Variants in ZFR2 observed in about 807,000 individuals in gnomAD.
ZFR2 encodes the protein zinc finger RNA binding protein 2.
ZFR2 carries 104 observed loss-of-function variants against 105.7 expected under a neutral mutation model. The ratio of observed to expected loss-of-function variants is 0.98; its 90% CI spans 0.84 to 1.16. The LOEUF is 1.16. ZFR2 is among the 50% of genes most tolerant of loss of function. ZFR2 has a pLI of 0.00. For synonymous variants in ZFR2, 634 were observed against 597.7 expected (o/e 1.06, Z -0.89); for missense variants, 1,425 against 1,355.5 (o/e 1.05, Z -0.80).
chr19:3,831,899 C>A (rs748128466), intron 3 of ZFR2, 21 bp from the exon 4 acceptor site: 4 of 1,514,406 alleles, frequency 2.6e-6, no homozygotes, highest in South Asian at 2.5e-5. Context: ...GGGACAGGCC[C>A]TCTGCAGAGC....
At chr19:3,863,140 G>A (rs2038391115) in intron 1 of ZFR2, among the ~76,000 whole-genome samples, 1 of 152,234 alleles carries the variant, frequency 6.6e-6, no homozygotes, top group African/African-American at 2.4e-5. Flanking sequence ...CTGGAGGCCT[G>A]CCGGAGGGCG....
At position 3,808,772 on chromosome 19, in the gene ZFR2, TCC is replaced by T. The variant is rs1481937878; in HGVS notation, c.2545+98_2545+99del. Reference sequence around the variant, plus strand: ...CGCACTCCTGCCTGGGCTGGACACTTCCTCTGTGTCTGTGACCCCAGCTCTCT... The same window carrying T: ...CGCACTCCTGCCTGGGCTGGACACTTTCTGTGTCTGTGACCCCAGCTCTCT... On this transcript the variant is annotated intron_variant, in intron 17 of 18. Transcript: ENST00000262961. 4 of 1,011,720 alleles carry T rather than the reference TCC, an allele frequency of 4.0e-6. No homozygotes were observed. In the African/African-American group the frequency reaches 6.6e-5, roughly 17 times the overall value. 62.7% of individuals were successfully genotyped at this position (1,011,720 alleles called of 1,614,324 possible).
chr19:3,830,125 C>CATGTTG (rs199687033), intron 5 of ZFR2, among the ~76,000 whole-genome samples: 1,904 of 148,562 alleles, frequency 0.013, 67 homozygotes, highest in Admixed American at 0.074. Context: ...CATAGTGAGA[C>CATGTTG]CCTGTATCTA....
chr19:3,834,480 C>T lies in ZFR2; in HGVS notation c.264+293G>A. On this transcript the variant is annotated intron_variant, in intron 2 of 18. Coordinates refer to ENST00000262961, the MANE Select transcript of ZFR2 (RefSeq NM_015174.2). The surrounding 1 kb of genome is among the most constrained non-coding windows in gnomAD (Gnocchi z 5.3). ...TGTAACCCAGGCGACCCTCCTCCTC[C>T]TTCATAGTCACTGCTGAAGCTGGGA... 6.6e-6 allele frequency among the ~76,000 whole-genome samples: 1 copy of T among 152,138 alleles called. No individual in the cohort carries two copies. The highest frequency in any genetic ancestry group is 1.9e-4 in the East Asian group (1 of 5,180).
chr19:3,831,266 G>A (rs749128822), intron 5 of ZFR2, 37 bp downstream of exon 5: 1 of 1,468,578 alleles, frequency 6.8e-7, no homozygotes, highest in Middle Eastern at 1.8e-4. Flanking sequence ...GGACAGAGAG[G>A]TCCCTGGGGC....
chr19:3,821,279 G>C lies in ZFR2; in HGVS notation c.1631+61C>G, dbSNP rs981275284. 3 of 1,476,024 alleles carry C rather than the reference G, an allele frequency of 2.0e-6. No individual in the cohort carries two copies. The East Asian group carries it at 7.4e-5, about 36-fold the overall frequency. The allele number at this position is 1,476,024 out of a possible 1,614,324, so 91.4% of individuals were successfully genotyped here. A position where few individuals can be genotyped will look rare whatever the true frequency, so the allele number is the denominator to read the frequency against. ...GTAATCTGCAGCAGTGGGCGTCTAG[G>C]TTCCACGCTGGACCTGCCCTCCCTC... On this transcript the variant is annotated intron_variant, in intron 10 of 18. Transcript: ENST00000262961.
At chr19:3,816,923 G>A (rs914525853) in intron 12 of ZFR2, 78 bp from the exon 13 acceptor site, 23 of 1,344,680 alleles carry the variant, frequency 1.7e-5, no homozygotes, top group African/African-American at 2.9e-5. Context: ...CCTGAGCTAC[G>A]GGGACCCTGC....
At chr19:3,830,390 T>C (rs962784418) in intron 5 of ZFR2, among the ~76,000 whole-genome samples, 2 of 152,140 alleles carry the variant, frequency 1.3e-5, no homozygotes, top group African/African-American at 4.8e-5. Context: ...GAGCTGTGAT[T>C]GTACCACTGC....
intron 5 of ZFR2, among the ~76,000 whole-genome samples, chr19:3,828,853 C>G (rs955794821): frequency 6.6e-6 from 1 of 152,138 alleles, no homozygotes; most frequent in Non-Finnish European, 1.5e-5. Flanking sequence ...TGCAGGCCAC[C>G]GGCTTGGCAC....
At chr19:3,808,801 T>C in intron 17 of ZFR2, 71 bp downstream of exon 17, 2 of 1,290,184 alleles carry the variant, frequency 1.6e-6, no homozygotes, top group East Asian at 2.6e-5. Context: ...CAGCTCTCTG[T>C]GCCATGGCCA....
intron 13 of ZFR2, 78 bp from the exon 14 acceptor site, chr19:3,814,036 T>C: frequency 1.3e-6 from 2 of 1,577,086 alleles, no homozygotes; most frequent in South Asian, 2.3e-5. Flanking sequence ...ATGTGGTTGG[T>C]GTGTGTAAAT....
At chr19:3,866,351 G>A (rs766382425) in intron 1 of ZFR2, among the ~76,000 whole-genome samples, 1 of 152,042 alleles carries the variant, frequency 6.6e-6, no homozygotes, top group Non-Finnish European at 1.5e-5. Context: ...TCTCTCTGCG[G>A]CAATTCTAAG....
At chr19:3,825,804 C>T (rs2037943283) in intron 6 of ZFR2, among the ~76,000 whole-genome samples, 1 of 151,580 alleles carries the variant, frequency 6.6e-6, no homozygotes, top group Non-Finnish European at 1.5e-5. Flanking sequence ...GGTGGGTGTG[C>T]ACGTGTCCCT....
chr19:3,824,792 C>T (rs2037931238), intron 7 of ZFR2, among the ~76,000 whole-genome samples: 1 of 152,016 alleles, frequency 6.6e-6, no homozygotes, highest in Admixed American at 6.6e-5. Context: ...CAAAAATTAG[C>T]CGGGCGTGGT....
chr19:3,808,222 AGTGC>A (rs1391382852), intron 17 of ZFR2, among the ~76,000 whole-genome samples: 2 of 131,706 alleles, frequency 1.5e-5, no homozygotes, highest in Admixed American at 7.3e-5. Flanking sequence ...TGCCCGTGCG[AGTGC>A]GTGCGTGTGC....
At chr19:3,828,454 G>C (rs2037976601) in intron 5 of ZFR2, among the ~76,000 whole-genome samples, 1 of 152,164 alleles carries the variant, frequency 6.6e-6, no homozygotes, top group South Asian at 2.1e-4. Context: ...GGGGGCTGCT[G>C]TATACAGAAA....
chr19:3,834,959 C>T lies in ZFR2; in HGVS notation c.78G>A (p.Leu26=), dbSNP rs1330656659. ...QYSAQPPTLP[L]PTVGASYTAQ... is the part of the protein sequence containing the mutation. ...CAGTATAGCTGGCCCCCACAGTGGG[C>T]AGGGGAAGGGTCGGAGGCTGGGCGC... The change falls in exon 2 of 19, where the codon CTG becomes CTA. Residue 26 remains leucine, a synonymous_variant. Coordinates refer to ENST00000262961, the MANE Select transcript of ZFR2 (RefSeq NM_015174.2). The surrounding 1 kb of genome is among the most constrained non-coding windows in gnomAD (Gnocchi z 5.3). 6.2e-7 allele frequency: 1 copy of T among 1,611,528 alleles called. No individual in the cohort carries two copies. Among genetic ancestry groups the T allele is most frequent in the Non-Finnish European group, 8.5e-7 (1 of 1,179,146 alleles).
At chr19:3,846,385 C>T (rs1418793198) in intron 1 of ZFR2, among the ~76,000 whole-genome samples, 1 of 152,216 alleles carries the variant, frequency 6.6e-6, no homozygotes, top group African/African-American at 2.4e-5. Flanking sequence ...GTTTTGCCGA[C>T]TCGAAAAGCC....
At chr19:3,833,370 A>C (rs957799700) in intron 3 of ZFR2, among the ~76,000 whole-genome samples, 1 of 151,776 alleles carries the variant, frequency 6.6e-6, no homozygotes, top group Non-Finnish European at 1.5e-5. Context: ...AGGTCAGGAG[A>C]TGGAGACCAT....
Sources: allele counts gnomAD v4.1 joint callset (sites outside exome capture counted in the v4.1 genomes callset), GRCh38; gene constraint gnomAD v4.1.1; non-coding constraint Gnocchi (gnomAD v3.1); transcripts MANE v1.5; gene names NCBI Gene and HGNC (gene_info 2026-07-23, HGNC 2026-07-21).